PTPRD: variants seen among roughly 807,000 people sequenced by gnomAD.
The protein encoded by PTPRD is protein tyrosine phosphatase receptor type D.
A neutral mutation model predicts 214.5 loss-of-function variants in PTPRD; 34 were observed. The ratio of observed to expected loss-of-function variants is 0.16; its 90% confidence interval spans 0.12 to 0.21. The LOEUF (loss-of-function observed/expected upper bound fraction) is 0.21. PTPRD is among the 10% of genes least tolerant of loss of function. The pLI is 1.00. For synonymous variants in PTPRD, 1,128 were observed against 845.7 expected (o/e 1.33, Z -5.79); for missense variants, 2,545 against 2,398.7 (o/e 1.06, Z -1.27).
intron 44 of PTPRD, among the ~76,000 whole-genome samples, chr9:8,321,528 A>ATATATAT (rs1563892616): frequency 2.8e-4 from 22 of 79,158 alleles, no homozygotes; most frequent in African/African-American, 6.6e-4. Flanking sequence ...TATATATATA[A>ATATATAT]AAGGTATATG....
At chr9:10,022,811 C>T (rs2096849906) in intron 4 of PTPRD, among the ~76,000 whole-genome samples, 1 of 152,120 alleles carries the variant, frequency 6.6e-6, no homozygotes, top group African/African-American at 2.4e-5. Context: ...ATGATTTCTT[C>T]CATTAATTGT....
At chr9:9,035,505 C>G (rs1187817748) in intron 10 of PTPRD, among the ~76,000 whole-genome samples, 1 of 152,038 alleles carries the variant, frequency 6.6e-6, no homozygotes, top group South Asian at 2.1e-4. Context: ...TCAGCTTGCG[C>G]CATGCTCCAA....
intron 3 of PTPRD, among the ~76,000 whole-genome samples, chr9:10,181,921 A>G (rs546972618): frequency 7.0e-6 from 1 of 143,366 alleles, no homozygotes. Flanking sequence ...TTTCTTAAAT[A>G]TGACTATGTA....
chr9:8,415,122 C>G (rs1464331633), intron 35 of PTPRD, among the ~76,000 whole-genome samples: 2 of 152,178 alleles, frequency 1.3e-5, no homozygotes, highest in African/African-American at 4.8e-5. Flanking sequence ...CAATGAGATA[C>G]TGAATCCAGA....
At chr9:10,235,398 C>T (rs1172591737) in intron 3 of PTPRD, among the ~76,000 whole-genome samples, 2 of 151,894 alleles carry the variant, frequency 1.3e-5, no homozygotes, top group Non-Finnish European at 2.9e-5. Context: ...ATTCCCTCGT[C>T]GCGCATCAGA....
At chr9:8,471,825 T>C (rs1198462338) in intron 30 of PTPRD, among the ~76,000 whole-genome samples, 1 of 152,142 alleles carries the variant, frequency 6.6e-6, no homozygotes, top group African/African-American at 2.4e-5. Context: ...CACAAATAGG[T>C]ATGGGTTATT....
At chr9:9,294,773 A>G (rs1014150942) in intron 9 of PTPRD, among the ~76,000 whole-genome samples, 32 of 151,606 alleles carry the variant, frequency 2.1e-4, no homozygotes, top group Admixed American at 1.8e-3. Flanking sequence ...AAGTCACCCA[A>G]TCTGGGTATT....
At chr9:10,474,407 T>C (rs1464869595) in intron 2 of PTPRD, among the ~76,000 whole-genome samples, 1 of 151,012 alleles carries the variant, frequency 6.6e-6, no homozygotes, top group African/African-American at 2.4e-5. Flanking sequence ...CATTACATAA[T>C]GGTAAAGGGA....
At chr9:8,695,014 G>A (rs1362212089) in intron 12 of PTPRD, among the ~76,000 whole-genome samples, 1 of 152,098 alleles carries the variant, frequency 6.6e-6, no homozygotes, top group Non-Finnish European at 1.5e-5. Flanking sequence ...AAACCTGAGG[G>A]AGGGTGATTT....
intron 12 of PTPRD, among the ~76,000 whole-genome samples, chr9:8,726,569 T>TAAAAAAAAAAAAA (rs764810328): frequency 5.0e-4 from 1 of 1,982 alleles, no homozygotes; most frequent in African/African-American, 3.4e-3. Context: ...CGGTCTCTAC[T>TAAAAAAAAAAAAA]AAAAAAAAAA....
intron 11 of PTPRD, among the ~76,000 whole-genome samples, chr9:8,870,774 G>A (rs754363769): frequency 1.4e-5 from 2 of 147,324 alleles, no homozygotes; most frequent in Non-Finnish European, 3.0e-5. Context: ...TGGCCTTAAG[G>A]AAGCATTGCA....
intron 10 of PTPRD, among the ~76,000 whole-genome samples, chr9:9,146,256 T>C (rs76245406): frequency 1.4e-5 from 2 of 138,936 alleles, no homozygotes; most frequent in Non-Finnish European, 3.0e-5. Flanking sequence ...AAATTTGTTA[T>C]TTTTTTTTTA....
chr9:8,759,279 T>C (rs767097766), intron 11 of PTPRD, among the ~76,000 whole-genome samples: 15 of 152,194 alleles, frequency 9.9e-5, no homozygotes, highest in Admixed American at 2.6e-4. Context: ...GTTGAACTCC[T>C]GGCCTCAAGT....
intron 11 of PTPRD, among the ~76,000 whole-genome samples, chr9:8,823,152 C>T (rs1265578712): frequency 1.3e-5 from 2 of 152,078 alleles, no homozygotes; most frequent in South Asian, 2.1e-4. Context: ...ACTTTAATAT[C>T]CTAGTTTTCT....
At chr9:10,588,442 A>G (rs1265601175) in intron 2 of PTPRD, among the ~76,000 whole-genome samples, 3 of 151,794 alleles carry the variant, frequency 2.0e-5, no homozygotes, top group Non-Finnish European at 4.4e-5. Flanking sequence ...ACACACACAC[A>G]CACACACACA....
intron 5 of PTPRD, among the ~76,000 whole-genome samples, chr9:9,918,197 C>G (rs1308105257): frequency 6.6e-6 from 1 of 151,604 alleles, no homozygotes; most frequent in African/African-American, 2.4e-5. Context: ...ATAAATTCAG[C>G]AAGGTTGCAG....
chr9:10,001,911 A>G (rs907235347), intron 4 of PTPRD, among the ~76,000 whole-genome samples: 2 of 152,040 alleles, frequency 1.3e-5, no homozygotes, highest in African/African-American at 4.8e-5. Context: ...ATGTAAATAT[A>G]TTTTTGTTTA....
chr9:8,863,990 A>T (rs1270988902), intron 11 of PTPRD, among the ~76,000 whole-genome samples: 1 of 152,226 alleles, frequency 6.6e-6, no homozygotes, highest in East Asian at 1.9e-4. Context: ...AAGTCACCAG[A>T]AAGCTAGTAG....
At position 10,233,269 on chromosome 9, in the gene PTPRD, G is replaced by T. The variant is rs142757772; in HGVS notation, c.-545+107694C>A. 3.5e-3 allele frequency among the ~76,000 whole-genome samples: 526 copies of T among 152,080 alleles called. 3 individuals are homozygous for T. Among genetic ancestry groups the T allele is most frequent in the African/African-American group, 0.012 (502 of 41,550 alleles). On this transcript the variant is annotated intron_variant, in intron 3 of 45. Transcript: ENST00000381196. ...GTGAGGGGCTTGGATGTACACAGAG[G>T]TTGCTAAAATTCTTCCTGCTTGCAT...
Sources: gnomAD v4.1 joint callset for allele counts (sites outside exome capture counted in the v4.1 genomes callset) on GRCh38, gnomAD v4.1.1 for gene constraint, MANE v1.5 for transcripts, NCBI Gene and HGNC (gene_info 2026-07-23, HGNC 2026-07-21) for gene names.